MS4A7: variants seen among roughly 807,000 people sequenced by gnomAD.
The protein encoded by MS4A7 is membrane-spanning 4-domains subfamily A member 7.
In MS4A7, 21 loss-of-function variants were observed where a neutral mutation model predicts 23.5. The ratio of observed to expected loss-of-function variants is 0.89; its 90% confidence interval spans 0.63 to 1.29. The LOEUF (loss-of-function observed/expected upper bound fraction) is 1.29. Ranked by LOEUF, MS4A7 falls within the 50% of genes most tolerant of loss-of-function variation. The pLI is 0.00. For synonymous variants in MS4A7, 111 were observed against 107.4 expected (o/e 1.03, Z -0.21); for missense variants, 263 against 274.2 (o/e 0.96, Z 0.29).
At chr11:60,381,169 C>G (rs2085424851) in intron 1 of MS4A7, among the ~76,000 whole-genome samples, 1 of 152,196 alleles carries the variant, frequency 6.6e-6, no homozygotes, top group African/African-American at 2.4e-5. Flanking sequence ...CCTAGAATTT[C>G]TCTAAGCCTG....
rs552675409 is a variant in MS4A7 at position 60,393,950 on chromosome 11, T to C, written c.*89T>C. ...TTCCTGAAATCTCTGCCATTTTAGA[T>C]ACTGTGAAACAAACTAAAAAAAAAA... On this transcript the variant is annotated 3_prime_UTR_variant, in exon 7 of 7. Transcript: ENST00000300184. 2.6e-6 allele frequency: 2 copies of C among 777,848 alleles called. No homozygotes were observed. The highest frequency in any genetic ancestry group is 1.8e-5 in the African/African-American group (1 of 54,954). The allele number at this position is 777,848 out of a possible 1,614,324, so 48.2% of individuals were successfully genotyped here.
intron 6 of MS4A7, among the ~76,000 whole-genome samples, chr11:60,393,460 G>A (rs2085575469): frequency 6.6e-6 from 1 of 152,032 alleles, no homozygotes; most frequent in Admixed American, 6.6e-5. Context: ...TCCTGTTTAT[G>A]CTTCCCTGTG....
At chr11:60,389,082 T>C (rs1353092508) in intron 4 of MS4A7, 5 of 260,822 alleles carry the variant, frequency 1.9e-5, no homozygotes, top group Non-Finnish European at 3.7e-5. Flanking sequence ...ATGGGAGATG[T>C]TGGCAGTGAC....
At chr11:60,392,576 C>A in intron 5 of MS4A7, 109 bp from the exon 6 acceptor site, 1 of 720,958 alleles carries the variant, frequency 1.4e-6, no homozygotes. Context: ...AGCAATTTTC[C>A]CTGTCTCCTT....
intron 5 of MS4A7, 59 bp downstream of exon 5, chr11:60,389,655 T>G: frequency 6.8e-7 from 1 of 1,476,896 alleles, no homozygotes; most frequent in Non-Finnish European, 9.4e-7. Flanking sequence ...CCCCTTTGCA[T>G]ACTCTCTGCT....
In MS4A7 at chr11:60,389,576, C is replaced by T. The variant is rs750334156; in HGVS notation, c.526C>T (p.Leu176=). 6.2e-7 allele frequency: 1 copy of T among 1,613,780 alleles called. No homozygotes were observed. The highest frequency in any genetic ancestry group is 1.1e-5 in the South Asian group (1 of 91,078). The part of the protein sequence containing the change: ...YPIYEIKDCL[L]TSVSLTGVLV... Reference sequence around the variant, plus strand: ...AATATATGAAATCAAAGATTGTCTCCTGACCAGTGTCAGTTTAACAGTGAG... The same window carrying T: ...AATATATGAAATCAAAGATTGTCTCTTGACCAGTGTCAGTTTAACAGTGAG... The change falls in exon 5 of 7, where the codon CTG becomes TTG. Residue 176 remains leucine, a synonymous_variant. Coordinates refer to ENST00000300184, the MANE Select transcript of MS4A7 (RefSeq NM_021201.5).
rs2085585510 is a variant in MS4A7, at chr11:60,394,198, TTCTG to T, written c.*339_*342del. ...TAAGTTGCGTGACTCTGCAGGCTGT[TTCTG>T]TATTATTTTCACACTCATATTGCTT... On this transcript the variant is annotated 3_prime_UTR_variant, in exon 7 of 7. Transcript: ENST00000300184. 1 of 181,246 alleles carries T rather than the reference TTCTG, an allele frequency of 5.5e-6. No individual in the cohort carries two copies. The highest frequency in any genetic ancestry group is 6.2e-5 in the Admixed American group (1 of 16,204). 11.2% of individuals were successfully genotyped at this position (181,246 alleles called of 1,614,324 possible). A position where few individuals can be genotyped will look rare whatever the true frequency, so the allele number is the denominator to read the frequency against.
At chr11:60,385,357 C>T (rs1180312099) in intron 3 of MS4A7, 135 bp downstream of exon 3, 1 of 902,922 alleles carries the variant, frequency 1.1e-6, no homozygotes, top group African/African-American at 1.7e-5. Flanking sequence ...CTATCATTGC[C>T]CCACGTCACA....
rs967737745 is a variant in MS4A7 at position 60,392,884 on chromosome 11, G to A, written c.648+98G>A. 5 of 822,094 alleles carry A rather than the reference G, an allele frequency of 6.1e-6. 1 individual carries two copies. Among genetic ancestry groups the A allele is most frequent in the African/African-American group, 5.2e-5 (3 of 57,498 alleles). 50.9% of individuals were successfully genotyped at this position (822,094 alleles called of 1,614,324 possible). On this transcript the variant is annotated intron_variant, in intron 6 of 6. Transcript: ENST00000300184. The stretch of plus-strand genomic sequence containing the variant: ...GTGGCAAAAAGAAGAATCAATTATT[G>A]TTCATGAGGTGCATGTGGAAGGCCA...
intron 5 of MS4A7, among the ~76,000 whole-genome samples, chr11:60,392,167 A>G (rs183027342): frequency 1.3e-5 from 2 of 152,238 alleles, no homozygotes; most frequent in Non-Finnish European, 2.9e-5. Context: ...TGTTTGGAAA[A>G]GATGGATGAA....
At chr11:60,385,328 C>A in intron 3 of MS4A7, 106 bp downstream of exon 3, 1 of 1,293,096 alleles carries the variant, frequency 7.7e-7, no homozygotes, top group Non-Finnish European at 1.1e-6. Context: ...CAAAAGGCGG[C>A]AAGGCCTCGA....
intron 1 of MS4A7, among the ~76,000 whole-genome samples, chr11:60,378,977 A>G (rs1351057608): frequency 6.6e-6 from 1 of 152,216 alleles, no homozygotes; most frequent in Admixed American, 6.5e-5. Context: ...TTAGAACCCC[A>G]TGGTCCTACT....
intron 5 of MS4A7, among the ~76,000 whole-genome samples, chr11:60,391,846 G>C (rs2085554921): frequency 6.6e-6 from 1 of 151,588 alleles, no homozygotes; most frequent in Non-Finnish European, 1.5e-5. Context: ...TTGAACTCGG[G>C]AGGCAGAGGT....
chr11:60,379,213 G>A (rs988238491), intron 1 of MS4A7, among the ~76,000 whole-genome samples: 4 of 152,186 alleles, frequency 2.6e-5, no homozygotes, highest in Non-Finnish European at 4.4e-5. Context: ...TGGTTATATA[G>A]GATTCCTTCT....
intron 4 of MS4A7, among the ~76,000 whole-genome samples, chr11:60,388,795 C>G (rs922993526): frequency 2.3e-4 from 35 of 152,196 alleles, no homozygotes; most frequent in African/African-American, 8.0e-4. Flanking sequence ...CTGCCTCATG[C>G]CCTGTCACTT....
chr11:60,392,757 T>C lies in MS4A7; in HGVS notation c.619T>C (p.Trp207Arg), dbSNP rs368443985. 9.4e-4 allele frequency: 1,512 copies of C among 1,613,956 alleles called. 24 individuals carry two copies. The South Asian group carries it at 0.016, about 17-fold the overall frequency. The stretch of plus-strand genomic sequence containing the variant: ...AGCTGCATACAGTTCTGTCTTTTGG[T>C]GGAAACAGCTCTACTCCAACAACCC... ...LLAAYSSVFW[W>R]KQLYSNNPGS... The change falls in exon 6 of 7, where the codon TGG becomes CGG. Residue 207 changes from tryptophan to arginine, a missense_variant. By Grantham distance (101) the Trp-to-Arg change is moderately radical. Coordinates refer to ENST00000300184, the MANE Select transcript of MS4A7 (RefSeq NM_021201.5).
intron 5 of MS4A7, among the ~76,000 whole-genome samples, chr11:60,391,996 T>C (rs1325703110): frequency 6.7e-6 from 1 of 149,102 alleles, no homozygotes; most frequent in African/African-American, 2.5e-5. Flanking sequence ...GATATGTGCA[T>C]TTGAGAAAAA....
At chr11:60,381,287 A>G (rs1306552944) in intron 1 of MS4A7, among the ~76,000 whole-genome samples, 1 of 152,156 alleles carries the variant, frequency 6.6e-6, no homozygotes, top group African/African-American at 2.4e-5. Context: ...ATGTAACCTC[A>G]CCCACACTTC....
intron 4 of MS4A7, 200 bp from the exon 5 acceptor site, chr11:60,389,190 A>C: frequency 1.7e-6 from 1 of 575,282 alleles, no homozygotes; most frequent in Non-Finnish European, 3.1e-6. Flanking sequence ...CTTATTCAAT[A>C]AGCATTTACT....
Sources: gnomAD v4.1 joint callset for allele counts (sites outside exome capture counted in the v4.1 genomes callset) on GRCh38, gnomAD v4.1.1 for gene constraint, MANE v1.5 for transcripts, NCBI Gene and HGNC (gene_info 2026-07-23, HGNC 2026-07-21) for gene names.